TNKS: variants seen among roughly 807,000 people sequenced by gnomAD.
TNKS encodes poly [ADP-ribose] polymerase tankyrase-1.
A neutral mutation model predicts 135.8 loss-of-function variants in TNKS; 72 were observed. The observed-to-expected ratio is 0.53, with a 90% CI of 0.44 to 0.64. The LOEUF is 0.64. TNKS is among the 30% of genes least tolerant of loss of function. TNKS has a pLI of 0.00. For missense variants in TNKS, 1,769 were observed against 1,674.0 expected, an observed-to-expected ratio of 1.06 and a Z score of -0.99; for synonymous variants, 849 against 649.3, an observed-to-expected ratio of 1.31 and a Z score of -4.68.
intron 3 of TNKS, among the ~76,000 whole-genome samples, chr8:9,638,441 G>T (rs1383298883): frequency 2.6e-5 from 4 of 152,274 alleles, no homozygotes; most frequent in Non-Finnish European, 2.9e-5. Flanking sequence ...CTGTTTTCTG[G>T]AGAAGAAAAC....
intron 1 of TNKS, among the ~76,000 whole-genome samples, chr8:9,573,909 G>C (rs1212751835): frequency 6.6e-6 from 1 of 152,152 alleles, no homozygotes; most frequent in Non-Finnish European, 1.5e-5. Flanking sequence ...TCAGTTATAT[G>C]ATTTAATATT....
At chr8:9,558,362 CT>C (rs1797177330) in intron 1 of TNKS, 1 of 152,132 alleles carries the variant, frequency 6.6e-6, no homozygotes, top group East Asian at 1.9e-4. Flanking sequence ...TATTTGTTTG[CT>C]CAAGGGTCTT....
At chr8:9,769,317 C>A (rs921981631) in intron 25 of TNKS, among the ~76,000 whole-genome samples, 1 of 152,224 alleles carries the variant, frequency 6.6e-6, no homozygotes, top group Admixed American at 6.5e-5. Context: ...GTCAGTCTTT[C>A]TTACTCTGTG....
Position 9,751,751 on chromosome 8 carries a change from T to C in TNKS, c.2975T>C (p.Ile992Thr). The C allele has an allele frequency of 6.2e-7, 1 of 1,614,236 alleles. No individual in the cohort carries two copies. The highest frequency in any genetic ancestry group is 8.5e-7 in the Non-Finnish European group (1 of 1,180,040). Residue 992 changes from isoleucine to threonine, a missense_variant, in exon 19 of 27, where the codon ATA (isoleucine) becomes ACA (threonine). This residue lies in a region of TNKS where 722 missense variants were observed against 688.9 expected (regional missense o/e 1.05). Transcript: ENST00000310430. ...TPSCLSAASS[I>T]DNLTGPLAEL... ...TCCTGCCTCTCGGCTGCCAGCAGCA[T>C]AGACAACCTCACTGGCCCTTTAGCA...
intron 12 of TNKS, among the ~76,000 whole-genome samples, chr8:9,725,739 A>C (rs749128536): frequency 5.3e-5 from 8 of 152,238 alleles, no homozygotes; most frequent in Non-Finnish European, 7.3e-5. Context: ...ATGTGTGCTC[A>C]TTCTAAAAGC....
intron 1 of TNKS, among the ~76,000 whole-genome samples, chr8:9,567,749 T>G (rs1460646011): frequency 6.6e-6 from 1 of 152,136 alleles, no homozygotes; most frequent in Non-Finnish European, 1.5e-5. Flanking sequence ...CTATATAGAG[T>G]TGTTAGAAAA....
At position 9,731,005 on chromosome 8, in the gene TNKS, A is replaced by G. The variant is rs1805410729; in HGVS notation, c.2117A>G (p.His706Arg). The change falls in exon 14 of 27, where the codon CAC becomes CGC. Residue 706 changes from histidine (H) to arginine (R), a missense_variant. Coordinates refer to ENST00000310430, the MANE Select transcript of TNKS (RefSeq NM_003747.3). Reference sequence around the variant, plus strand: ...TCTGTTGTAGAGTACCTGCTACACCACGGTGCCGATGTCCATGCCAAAGAC... The same window carrying G: ...TCTGTTGTAGAGTACCTGCTACACCGCGGTGCCGATGTCCATGCCAAAGAC... Reference protein sequence around the residue: ...RVSVVEYLLHHGADVHAKDKG... With the variant: ...RVSVVEYLLHRGADVHAKDKG... The G allele has an allele frequency of 1.9e-6, 3 of 1,612,904 alleles. No homozygotes were observed. Among genetic ancestry groups the G allele is most frequent in the Admixed American group, 1.7e-5 (1 of 59,866 alleles).
chr8:9,564,254 T>A (rs1306404677), intron 1 of TNKS, among the ~76,000 whole-genome samples: 1 of 152,096 alleles, frequency 6.6e-6, no homozygotes, highest in Non-Finnish European at 1.5e-5. Flanking sequence ...ATTGAATAGG[T>A]CACAGGCCAG....
chr8:9,623,465 T>TAAAACCAAAAAA (rs1330495141), intron 3 of TNKS, among the ~76,000 whole-genome samples: 2 of 152,042 alleles, frequency 1.3e-5, no homozygotes, highest in Non-Finnish European at 2.9e-5. Context: ...TTCCTAGTGC[T>TAAAACCAAAAAA]TTTGAAAGTT....
At position 9,706,489 on chromosome 8, in the gene TNKS, A is replaced by G. The variant is rs1462103011; in HGVS notation, c.1269+236A>G. Among the ~76,000 whole-genome samples, 6 of 152,270 alleles carry G rather than the reference A, an allele frequency of 3.9e-5. No individual in the cohort carries two copies. In the East Asian group the frequency reaches 9.7e-4, roughly 25 times the overall value. ...AGTGATCCTCCCCCTCAGCCTCCCC[A>G]GTAGCTGGGATTACAGGGGTGTGCC... is the stretch of plus-strand genomic sequence containing the variant. On this transcript the variant is annotated intron_variant, in intron 7 of 26. Transcript: ENST00000310430.
intron 6 of TNKS, 133 bp downstream of exon 6, chr8:9,704,890 G>C: frequency 2.0e-6 from 1 of 505,982 alleles, no homozygotes; most frequent in South Asian, 5.1e-5. Context: ...TCATAACTCT[G>C]GTTTGAGGCT....
intron 2 of TNKS, among the ~76,000 whole-genome samples, chr8:9,613,872 A>G (rs1006864120): frequency 1.3e-5 from 2 of 152,220 alleles, no homozygotes; most frequent in Admixed American, 6.5e-5. Context: ...AGCACTCATT[A>G]AAAACTACAA....
chr8:9,698,055 G>C (rs1803601766), intron 5 of TNKS, among the ~76,000 whole-genome samples: 1 of 152,108 alleles, frequency 6.6e-6, no homozygotes, highest in South Asian at 2.1e-4. Flanking sequence ...ATACACCATG[G>C]AATACCACAC....
At chr8:9,681,523 A>ACT (rs1314988125) in intron 5 of TNKS, among the ~76,000 whole-genome samples, 1 of 151,994 alleles carries the variant, frequency 6.6e-6, no homozygotes, top group African/African-American at 2.4e-5. Flanking sequence ...AAACCAATGC[A>ACT]CTCTGTACCA....
intron 5 of TNKS, among the ~76,000 whole-genome samples, chr8:9,687,210 A>C (rs574453884): frequency 1.3e-5 from 2 of 152,288 alleles, no homozygotes; most frequent in East Asian, 1.9e-4. Context: ...TAAATTTCCA[A>C]CTTTTATGGA....
At chr8:9,692,174 T>TA (rs1803305089) in intron 5 of TNKS, among the ~76,000 whole-genome samples, 1 of 152,166 alleles carries the variant, frequency 6.6e-6, no homozygotes, top group African/African-American at 2.4e-5. Flanking sequence ...GTGAGCATAA[T>TA]ACCCAACGGG....
intron 11 of TNKS, among the ~76,000 whole-genome samples, chr8:9,715,730 A>G (rs1804572449): frequency 6.6e-6 from 1 of 152,210 alleles, no homozygotes; most frequent in Non-Finnish European, 1.5e-5. Flanking sequence ...GGAGAGTTAC[A>G]AGAACATTGG....
chr8:9,659,276 A>G (rs1212305190), intron 3 of TNKS, among the ~76,000 whole-genome samples: 9 of 152,232 alleles, frequency 5.9e-5, no homozygotes, highest in African/African-American at 1.9e-4. Flanking sequence ...AATCAACAGA[A>G]TATACGTTCT....
intron 1 of TNKS, among the ~76,000 whole-genome samples, chr8:9,561,085 CAT>C (rs1797314947): frequency 6.6e-6 from 1 of 152,186 alleles, no homozygotes; most frequent in African/African-American, 2.4e-5. Flanking sequence ...ATTTCTATTA[CAT>C]GTGTATTCCT....
Sources: gnomAD v4.1 joint callset for allele counts (sites outside exome capture counted in the v4.1 genomes callset) on GRCh38, gnomAD v4.1.1 for gene constraint, gnomAD v4.1.1 regional missense constraint, MANE v1.5 for transcripts, NCBI Gene and HGNC (gene_info 2026-07-23, HGNC 2026-07-21) for gene names.